The following XXYLT1 variants were observed in gnomAD, a reference collection of about 807,000 sequenced individuals.
The protein encoded by XXYLT1 is UDP-xylose:alpha-xyloside alpha-1,3-xylosyltransferase.
In XXYLT1, 20 loss-of-function variants were observed where a neutral mutation model predicts 28.9. That is an observed-to-expected ratio of 0.69 (90% confidence interval 0.49 to 1.00). The LOEUF is 1.00. Ranked by LOEUF, XXYLT1 falls within the 50% of genes least tolerant of loss-of-function variation. XXYLT1 has a pLI of 0.00. For synonymous variants in XXYLT1, 257 were observed against 253.8 expected (o/e 1.01, Z -0.12); for missense variants, 542 against 560.1 (o/e 0.97, Z 0.33).
chr3:195,231,739 G>T (rs559795011), intron 1 of XXYLT1, among the ~76,000 whole-genome samples: 1 of 150,518 alleles, frequency 6.6e-6, no homozygotes, highest in African/African-American at 2.5e-5. Flanking sequence ...ATTCCACTTG[G>T]TCATGATGAA....
At chr3:195,229,444 T>C (rs1476975585) in intron 1 of XXYLT1, among the ~76,000 whole-genome samples, 1 of 152,250 alleles carries the variant, frequency 6.6e-6, no homozygotes, top group Non-Finnish European at 1.5e-5. Context: ...TACTTTTTAC[T>C]GTAGTCATCC....
chr3:195,232,513 G>C (rs1006137842), intron 1 of XXYLT1, among the ~76,000 whole-genome samples: 46 of 151,938 alleles, frequency 3.0e-4, no homozygotes, highest in East Asian at 3.9e-4. Flanking sequence ...TTTGATGTAG[G>C]CATTTATAGC....
rs113642587 is a variant in XXYLT1 at position 195,132,138 on chromosome 3, C to T, written c.785+24311G>A. 3.8e-3 allele frequency among the ~76,000 whole-genome samples: 586 copies of T among 152,306 alleles called. 4 individuals carry two copies. Among genetic ancestry groups the T allele is most frequent in the African/African-American group, 0.013 (560 of 41,562 alleles). On this transcript the variant is annotated intron_variant, in intron 3 of 3. Coordinates refer to ENST00000310380, the MANE Select transcript of XXYLT1 (RefSeq NM_152531.5). Reference sequence around the variant, plus strand: ...ATCCACACCGCTAAGGCCTGAAGCCCACCTCCACATTTACAGCTGTGACAT... The same window carrying T: ...ATCCACACCGCTAAGGCCTGAAGCCTACCTCCACATTTACAGCTGTGACAT...
rs927284722 is a variant in XXYLT1 at position 195,115,820 on chromosome 3, CGAGAGGGTCT to C, written c.785+40619_785+40628del. ...TAACTAACAGTGCTTTGTCAGAGGGCGAGAGGGTCTGATGGGGGCAGCTCTGTATGAAAAC... is the reference window on the plus strand; with the variant it reads ...TAACTAACAGTGCTTTGTCAGAGGGCGATGGGGGCAGCTCTGTATGAAAAC... On this transcript the variant is annotated intron_variant, in intron 3 of 3. Coordinates refer to ENST00000310380, the MANE Select transcript of XXYLT1 (RefSeq NM_152531.5). This position sits in a 1 kb window ranked among gnomAD's most constrained non-coding sequence, Gnocchi z 4.2. Among the ~76,000 whole-genome samples, 23 of 152,002 alleles carry C rather than the reference CGAGAGGGTCT, an allele frequency of 1.5e-4. No homozygotes were observed. Among genetic ancestry groups the C allele is most frequent in the African/African-American group, 5.3e-4 (22 of 41,394 alleles).
intron 3 of XXYLT1, among the ~76,000 whole-genome samples, chr3:195,103,461 T>TCACCCCACGCCAGCGGCCTGCGTCCATCA (rs1716920908): frequency 1.3e-5 from 2 of 152,192 alleles, no homozygotes; most frequent in African/African-American, 4.8e-5. Context: ...CCTGCGTCCA[T>TCACCCCACGCCAGCGGCCTGCGTCCATCA]CTCTTCTGCA....
chr3:195,259,701 C>T (rs1725611715), intron 1 of XXYLT1: 1 of 984,394 alleles, frequency 1.0e-6, no homozygotes. Flanking sequence ...GGGACAGACC[C>T]AGCACCAGGG....
At chr3:195,226,549 A>G (rs926849606) in intron 2 of XXYLT1, among the ~76,000 whole-genome samples, 160 bp downstream of exon 2, 6 of 145,224 alleles carry the variant, frequency 4.1e-5, no homozygotes, top group African/African-American at 1.5e-4. Context: ...TGGTGTAGGA[A>G]GCTCGGTGGT....
chr3:195,165,311 C>T (rs149488655), intron 2 of XXYLT1, among the ~76,000 whole-genome samples: 58 of 152,208 alleles, frequency 3.8e-4, no homozygotes, highest in African/African-American at 1.3e-3. Flanking sequence ...CCAACTACGG[C>T]GGAAGCACCA....
At chr3:195,123,552 T>G (rs1028324325) in intron 3 of XXYLT1, among the ~76,000 whole-genome samples, 10 of 152,344 alleles carry the variant, frequency 6.6e-5, no homozygotes, top group African/African-American at 2.4e-4. Context: ...CTGCAAGGCC[T>G]GCGTCTGAAG....
At chr3:195,098,246 T>A (rs1475888811) in intron 3 of XXYLT1, among the ~76,000 whole-genome samples, 1 of 152,222 alleles carries the variant, frequency 6.6e-6, no homozygotes, top group Non-Finnish European at 1.5e-5. Flanking sequence ...TGCCAGTGAC[T>A]GTACACTTCA....
intron 1 of XXYLT1, among the ~76,000 whole-genome samples, chr3:195,254,578 GGC>G (rs1560177627): frequency 6.6e-6 from 1 of 152,236 alleles, no homozygotes; most frequent in Admixed American, 6.5e-5. Context: ...TGGGCATCCA[GGC>G]AACAGGCTCG....
At chr3:195,095,212 G>A (rs1396942047) in intron 3 of XXYLT1, 1 of 152,710 alleles carries the variant, frequency 6.5e-6, no homozygotes. Context: ...GCTGCATGAG[G>A]TAATGCAGTG....
intron 3 of XXYLT1, among the ~76,000 whole-genome samples, chr3:195,155,056 A>G (rs1397495200): frequency 6.6e-6 from 1 of 152,236 alleles, no homozygotes; most frequent in Non-Finnish European, 1.5e-5. Context: ...CCTCAGAGGA[A>G]GAGGCCTACC....
chr3:195,142,503 G>A (rs1371438940), intron 3 of XXYLT1, among the ~76,000 whole-genome samples: 1 of 152,206 alleles, frequency 6.6e-6, no homozygotes, highest in African/African-American at 2.4e-5. Flanking sequence ...CCTGCTGTAG[G>A]TGTACCACAA....
chr3:195,222,133 C>G (rs1723853806), intron 2 of XXYLT1, among the ~76,000 whole-genome samples: 1 of 152,220 alleles, frequency 6.6e-6, no homozygotes, highest in Non-Finnish European at 1.5e-5. Flanking sequence ...GCCCAGAAGA[C>G]AGGCAAGGAT....
At chr3:195,116,956 A>C (rs1271152454) in intron 3 of XXYLT1, among the ~76,000 whole-genome samples, 1 of 152,168 alleles carries the variant, frequency 6.6e-6, no homozygotes, top group African/African-American at 2.4e-5. Context: ...ATGAAGTGTT[A>C]CTGCCCACCC....
At chr3:195,231,274 T>G (rs1724287604) in intron 1 of XXYLT1, among the ~76,000 whole-genome samples, 1 of 151,946 alleles carries the variant, frequency 6.6e-6, no homozygotes, top group South Asian at 2.1e-4. Flanking sequence ...ACATTTTTTG[T>G]TTTGTTTTTT....
chr3:195,090,537 G>A (rs1716074047), intron 3 of XXYLT1, among the ~76,000 whole-genome samples: 1 of 151,102 alleles, frequency 6.6e-6, no homozygotes, highest in African/African-American at 2.5e-5. Flanking sequence ...AGTGTGTAGA[G>A]GGACATTTAT....
rs1045286926 is a variant in XXYLT1, at chr3:195,226,817, A to G, written c.544T>C (p.Phe182Leu). 6.2e-6 allele frequency: 10 copies of G among 1,613,926 alleles called. No individual in the cohort carries two copies. The highest frequency in any genetic ancestry group is 8.5e-6 in the Non-Finnish European group (10 of 1,179,976). Residue 182 changes from phenylalanine (F) to leucine (L), a missense_variant, in exon 2 of 4, where the codon TTC (phenylalanine) becomes CTC (leucine). Phe to Leu is a conservative substitution (Grantham distance 22). Coordinates refer to ENST00000310380, the MANE Select transcript of XXYLT1 (RefSeq NM_152531.5). The stretch of plus-strand genomic sequence containing the variant: ...TTCTGCATGGCCTCCACGATGGGGA[A>G]GAGCTTATCCGTCAGCACAGCAACA... ...HDVAVLTDKLFPIVEAMQKHF... is the reference protein window; with the variant it reads ...HDVAVLTDKLLPIVEAMQKHF...
Sources: allele counts gnomAD v4.1 joint callset (sites outside exome capture counted in the v4.1 genomes callset), GRCh38; gene constraint gnomAD v4.1.1; non-coding constraint Gnocchi (gnomAD v3.1); transcripts MANE v1.5; gene names NCBI Gene and HGNC (gene_info 2026-07-23, HGNC 2026-07-21).